PCDHGB7: variants seen among roughly 807,000 people sequenced by gnomAD.
PCDHGB7 encodes protocadherin gamma-B7.
In PCDHGB7, 37 loss-of-function variants were observed where a neutral mutation model predicts 61.4. That is an observed-to-expected ratio of 0.60 (90% confidence interval 0.46 to 0.79). The LOEUF is 0.79. Among genes scored for constraint, PCDHGB7 ranks in the 30% least tolerant of loss-of-function variants. The pLI, the probability that PCDHGB7 is intolerant of heterozygous loss-of-function variation, is 0.00. For synonymous variants in PCDHGB7, 464 were observed against 503.5 expected, an observed-to-expected ratio of 0.92 and a Z score of 1.05; for missense variants, 1,166 against 1,202.5, an observed-to-expected ratio of 0.97 and a Z score of 0.45.
At chr5:141,500,546 G>A (rs1428503967) in intron 2 of PCDHGB7, among the ~76,000 whole-genome samples, 1 of 152,126 alleles carries the variant, frequency 6.6e-6, no homozygotes, top group African/African-American at 2.4e-5. Context: ...ACCTAAATAA[G>A]TTGTTCACAA....
intron 1 of PCDHGB7, chr5:141,478,198 A>G (rs1393603398): frequency 6.2e-7 from 1 of 1,613,864 alleles, no homozygotes; most frequent in East Asian, 2.2e-5. Flanking sequence ...CCTTTTATCT[A>G]CTTCTTTCTC....
intron 1 of PCDHGB7, among the ~76,000 whole-genome samples, chr5:141,453,823 G>A (rs2154564414): frequency 6.6e-6 from 1 of 152,250 alleles, no homozygotes; most frequent in South Asian, 2.1e-4. Flanking sequence ...GACAAACTTG[G>A]CTGCTAGCCC....
chr5:141,418,497 CCG>C lies in PCDHGB7; in HGVS notation c.640_641del (p.Ala214LeufsTer23). 1 of 1,613,994 alleles carries C rather than the reference CCG, an allele frequency of 6.2e-7. No individual in the cohort carries two copies. Among genetic ancestry groups the C allele is most frequent in the Non-Finnish European group, 8.5e-7 (1 of 1,179,894 alleles). On this transcript the variant is annotated frameshift_variant, in exon 1 of 4. Coordinates refer to ENST00000398594, the MANE Select transcript of PCDHGB7 (RefSeq NM_018927.4). LOFTEE classifies it high-confidence loss of function. ...CAGAGCGCTCACCACTTGGTACTGA[CCG>C]CCTTAGATGGTGGGGACCCTCCCCG...
chr5:141,485,105 G>A lies in PCDHGB7; in HGVS notation c.2416-9702G>A. On this transcript the variant is annotated intron_variant, in intron 1 of 3. Transcript: ENST00000398594. The surrounding 1 kb of genome is among the most constrained non-coding windows in gnomAD (Gnocchi z 5.7). ...AGGGAGATAGGTGTCTCCAGCTGCT[G>A]TGGCTGTTTGGGGCGGGTCGGCTTC... 8.3e-7 allele frequency: 1 copy of A among 1,205,940 alleles called. No individual in the cohort carries two copies. Among genetic ancestry groups the A allele is most frequent in the Non-Finnish European group, 1.2e-6 (1 of 827,784 alleles). The allele number at this position is 1,205,940 out of a possible 1,614,324, so 74.7% of individuals were successfully genotyped here.
At chr5:141,471,309 C>T (rs140651182) in intron 1 of PCDHGB7, 8,212 of 152,202 alleles carry the variant, frequency 0.054, 462 homozygotes, top group African/African-American at 0.15. Flanking sequence ...ACTCGGCCTC[C>T]CAAAGTGCTG....
intron 1 of PCDHGB7, chr5:141,424,160 C>A (rs187420643): frequency 6.3e-4 from 172 of 273,324 alleles, no homozygotes; most frequent in South Asian, 2.2e-3. Flanking sequence ...CTCTCCTTCT[C>A]ATCTATCTAT....
chr5:141,490,960 T>C lies in PCDHGB7; in HGVS notation c.2416-3847T>C. 1.9e-6 allele frequency: 3 copies of C among 1,613,794 alleles called. No homozygotes were observed. The highest frequency in any genetic ancestry group is 2.2e-5 in the South Asian group (2 of 91,030). On this transcript the variant is annotated intron_variant, in intron 1 of 3. Transcript: ENST00000398594. The surrounding 1 kb of genome is among the most constrained non-coding windows in gnomAD (Gnocchi z 5.4). ...GCACCCACGGCCAGACTGGGAACACTCAGCCCCCCAGCGTCTCCCTCGCTC... is the reference window on the plus strand; with the variant it reads ...GCACCCACGGCCAGACTGGGAACACCCAGCCCCCCAGCGTCTCCCTCGCTC...
At chr5:141,443,953 T>C (rs1373953428) in intron 1 of PCDHGB7, among the ~76,000 whole-genome samples, 1 of 152,142 alleles carries the variant, frequency 6.6e-6, no homozygotes, top group Non-Finnish European at 1.5e-5. Context: ...CTTATTGGTA[T>C]GTATTCTGTG....
chr5:141,511,823 GC>G lies in PCDHGB7; in HGVS notation c.*653del, dbSNP rs2099883963. On this transcript the variant is annotated 3_prime_UTR_variant, in exon 4 of 4. Coordinates refer to ENST00000398594, the MANE Select transcript of PCDHGB7 (RefSeq NM_018927.4). The stretch of plus-strand genomic sequence containing the variant: ...TTTTGCTACCAAGCCTCTTCCCAAC[GC>G]CCTGGGGACCAGTCTTCTGTTTTGT... The G allele has an allele frequency of 6.4e-6, 1 of 156,728 alleles. No individual in the cohort carries two copies. The highest frequency in any genetic ancestry group is 1.9e-4 in the South Asian group (1 of 5,164). 9.7% of individuals were successfully genotyped at this position (156,728 alleles called of 1,614,324 possible).
chr5:141,496,747 A>T (rs13188028), intron 2 of PCDHGB7, among the ~76,000 whole-genome samples: 1 of 152,124 alleles, frequency 6.6e-6, no homozygotes, highest in Non-Finnish European at 1.5e-5. Context: ...CATTTATTCA[A>T]CAAATATTTA....
At chr5:141,482,530 C>CAAAAAAAAAAAAAAA (rs3074545) in intron 1 of PCDHGB7, among the ~76,000 whole-genome samples, 1 of 76,562 alleles carries the variant, frequency 1.3e-5, no homozygotes, top group African/African-American at 4.8e-5. Flanking sequence ...GACAGACATG[C>CAAAAAAAAAAAAAAA]AAAAAAAAAA....
Position 141,419,317 on chromosome 5 carries a change from T to G in PCDHGB7, c.1458T>G (p.Arg486=). The G allele has an allele frequency of 1.2e-6, 2 of 1,613,952 alleles. No homozygotes were observed. Among genetic ancestry groups the G allele is most frequent in the Non-Finnish European group, 1.7e-6 (2 of 1,179,900 alleles). Residue 486 remains arginine (R), a synonymous_variant, in exon 1 of 4, where the codon CGT becomes CGG. Transcript: ENST00000398594. ...ACCCAGACTTCGGGCTCAACGGCCG[T>G]GTCTCCTACTCTCTCATTGCCAGCG... is the stretch of plus-strand genomic sequence containing the variant. ...ASDPDFGLNG[R]VSYSLIASDL...
intron 1 of PCDHGB7, among the ~76,000 whole-genome samples, chr5:141,460,709 A>G (rs2098995845): frequency 6.6e-6 from 1 of 151,794 alleles, no homozygotes; most frequent in Non-Finnish European, 1.5e-5. Flanking sequence ...ATGAGAATAA[A>G]CTATTGTTAT....
In PCDHGB7 at chr5:141,472,994, A is replaced by G. The variant is rs188075835; in HGVS notation, c.2416-21813A>G. Among the ~76,000 whole-genome samples, 1,141 of 151,802 alleles carry G rather than the reference A, an allele frequency of 7.5e-3. 5 individuals carry two copies. The highest frequency in any genetic ancestry group is 0.017 in the Middle Eastern group (5 of 294). ...AGAGTGAAACTCAAAAAAAAAAAAA[A>G]AAAGAAAGAAAAAGAAAAAGAAAGA... On this transcript the variant is annotated intron_variant, in intron 1 of 3. Transcript: ENST00000398594.
In PCDHGB7 at chr5:141,419,554, T is replaced by C. The variant is rs775925543; in HGVS notation, c.1695T>C (p.Pro565=). The C allele has an allele frequency of 6.2e-7, 1 of 1,612,006 alleles. No homozygotes were observed. The highest frequency in any genetic ancestry group is 8.5e-7 in the Non-Finnish European group (1 of 1,179,474). ...ACAACGCACCGCGGGTGCTGTACCC[T>C]GCGCTGGGTCCCGACGGCTCCGCGC... The part of the protein sequence containing the change: ...RNDNAPRVLY[P]ALGPDGSALF... The change falls in exon 1 of 4, where the codon CCT becomes CCC. Residue 565 remains proline, a synonymous_variant. Coordinates refer to ENST00000398594, the MANE Select transcript of PCDHGB7 (RefSeq NM_018927.4).
chr5:141,445,890 T>C (rs1435563284), intron 1 of PCDHGB7, among the ~76,000 whole-genome samples: 1 of 152,210 alleles, frequency 6.6e-6, no homozygotes, highest in Non-Finnish European at 1.5e-5. Context: ...ACTTAGGAGC[T>C]ATTAAAATAT....
intron 1 of PCDHGB7, among the ~76,000 whole-genome samples, chr5:141,462,269 T>C (rs2099036247): frequency 6.6e-6 from 1 of 152,230 alleles, no homozygotes; most frequent in Admixed American, 6.5e-5. Context: ...CTAAAGTGTA[T>C]TGTTTAGTCA....
At position 141,477,115 on chromosome 5, in the gene PCDHGB7, A is replaced by T. The variant is rs1218111107; in HGVS notation, c.2416-17692A>T. On this transcript the variant is annotated intron_variant, in intron 1 of 3. Coordinates refer to ENST00000398594, the MANE Select transcript of PCDHGB7 (RefSeq NM_018927.4). The surrounding 1 kb of genome is among the most constrained non-coding windows in gnomAD (Gnocchi z 4.9). Reference sequence around the variant, plus strand: ...AAGACAAGGGCGCCAATCCCGAAGGAGCACATTGCAAAGTGTTGGTGGAGG... The same window carrying T: ...AAGACAAGGGCGCCAATCCCGAAGGTGCACATTGCAAAGTGTTGGTGGAGG... The T allele has an allele frequency of 6.2e-7, 1 of 1,614,230 alleles. No individual in the cohort carries two copies. Among genetic ancestry groups the T allele is most frequent in the Non-Finnish European group, 8.5e-7 (1 of 1,180,038 alleles).
At chr5:141,502,274 A>G (rs573517581) in intron 2 of PCDHGB7, among the ~76,000 whole-genome samples, 18 of 152,128 alleles carry the variant, frequency 1.2e-4, no homozygotes, top group African/African-American at 4.1e-4. Context: ...ATCAAGGAGC[A>G]TAGATTGCAT....
Sources: allele counts gnomAD v4.1 joint callset (sites outside exome capture counted in the v4.1 genomes callset), GRCh38; gene constraint gnomAD v4.1.1; non-coding constraint Gnocchi (gnomAD v3.1); transcripts MANE v1.5; gene names NCBI Gene and HGNC (gene_info 2026-07-23, HGNC 2026-07-21).